CCDC158: variants seen among roughly 807,000 people sequenced by gnomAD.
The protein encoded by CCDC158 is coiled-coil domain containing 158, also known as coiled-coil domain-containing protein 158.
Under a neutral mutation model 138.6 loss-of-function variants are expected in CCDC158, and 116 were observed. The observed-to-expected ratio is 0.84, with a 90% CI of 0.72 to 0.98. The LOEUF (loss-of-function observed/expected upper bound fraction) is 0.98, where lower values mean the gene tolerates loss of function less well. Among genes scored for constraint, CCDC158 ranks in the 50% least tolerant of loss-of-function variants. The pLI is 0.00. For missense variants in CCDC158, 1,265 were observed against 1,306.1 expected, an observed-to-expected ratio of 0.97 and a Z score of 0.48; for synonymous variants, 436 against 442.4, an observed-to-expected ratio of 0.99 and a Z score of 0.18.
chr4:76,345,595 C>G (rs1722470981), intron 18 of CCDC158: 1 of 1,043,286 alleles, frequency 9.6e-7, no homozygotes, highest in Non-Finnish European at 1.5e-6. Context: ...AACTGATATG[C>G]CTTCACTCAG....
intron 1 of CCDC158, among the ~76,000 whole-genome samples, chr4:76,415,182 C>T (rs1186547359): frequency 6.6e-6 from 1 of 152,146 alleles, no homozygotes; most frequent in East Asian, 1.9e-4. Context: ...TATGCTTTAG[C>T]AAAGAGTCTG....
intron 21 of CCDC158, 65 bp from the exon 22 acceptor site, chr4:76,329,032 T>C (rs754667560): frequency 6.9e-6 from 9 of 1,298,790 alleles, no homozygotes; most frequent in South Asian, 3.6e-5. Flanking sequence ...GATTCATAGA[T>C]AGAAGCAAGT....
In CCDC158 at chr4:76,342,472, C is replaced by A. The variant is rs199642804; in HGVS notation, c.2665-8305G>T. Among the ~76,000 whole-genome samples, 5 of 152,294 alleles carry A rather than the reference C, an allele frequency of 3.3e-5. No homozygotes were observed. In the East Asian group the frequency reaches 9.6e-4, roughly 29 times the overall value. On this transcript the variant is annotated intron_variant, in intron 18 of 24. Coordinates refer to ENST00000682701, the MANE Select transcript of CCDC158 (RefSeq NM_001394954.1). ...AAGTAGTTGTGGGAAATGAACTAAT[C>A]TCCAAAGTACTTTGCACTGTGCCTG... is the stretch of plus-strand genomic sequence containing the variant.
chr4:76,345,105 T>A, intron 18 of CCDC158: 1 of 1,205,946 alleles, frequency 8.3e-7, no homozygotes, highest in Non-Finnish European at 1.2e-6. Flanking sequence ...TGCCGATGTC[T>A]ATATCCACAC....
chr4:76,351,671 C>G, intron 17 of CCDC158, 49 bp downstream of exon 17: 1 of 1,110,192 alleles, frequency 9.0e-7, no homozygotes, highest in South Asian at 1.3e-5. Context: ...AAAAGCATAT[C>G]AAAGAACGGC....
intron 18 of CCDC158, among the ~76,000 whole-genome samples, chr4:76,347,301 G>T (rs774959433): frequency 2.6e-5 from 4 of 152,076 alleles, no homozygotes. Context: ...TGATAGACTG[G>T]ATAATGTGCC....
At chr4:76,377,852 G>A (rs763349352) in intron 9 of CCDC158, among the ~76,000 whole-genome samples, 6 of 152,120 alleles carry the variant, frequency 3.9e-5, no homozygotes, top group Non-Finnish European at 5.9e-5. Flanking sequence ...TTATTCAAAC[G>A]CAACCCCCCA....
rs1208352964 is a variant in CCDC158, at chr4:76,333,990, C to T, written c.2822+20G>A. On this transcript the variant is annotated intron_variant, in intron 19 of 24. Coordinates refer to ENST00000682701, the MANE Select transcript of CCDC158 (RefSeq NM_001394954.1). ...CATTCAAGAGATGAGCTTTCCCATTCTGTGTGCACACAGCCTTACACAGCC... is the reference window on the plus strand; with the variant it reads ...CATTCAAGAGATGAGCTTTCCCATTTTGTGTGCACACAGCCTTACACAGCC... 6.5e-7 allele frequency: 1 copy of T among 1,533,946 alleles called. No individual in the cohort carries two copies. Among genetic ancestry groups the T allele is most frequent in the Non-Finnish European group, 8.8e-7 (1 of 1,130,236 alleles).
At position 76,396,409 on chromosome 4, in the gene CCDC158, G is replaced by A; in HGVS notation, c.148C>T (p.Gln50Ter). ...ENTSSAGTLT[Q>*]VPFFPKYEVE... ...TCATATTTAGGGAAAAAAGGAACCT[G>A]TGTCAAAGTCCCAGCTGAAGATGTG... The change falls in exon 4 of 25, where the codon CAG becomes TAG. Residue 50 changes from glutamine (Q) to a stop codon, truncating the protein, a stop_gained. Transcript: ENST00000682701. LOFTEE classifies it high-confidence loss of function. 6.2e-7 allele frequency: 1 copy of A among 1,614,038 alleles called. No individual in the cohort carries two copies. Among genetic ancestry groups the A allele is most frequent in the Non-Finnish European group, 8.5e-7 (1 of 1,179,940 alleles).
Position 76,367,679 on chromosome 4 carries a change from T to G in CCDC158, c.1445A>C (p.Glu482Ala), listed in dbSNP as rs749141660. ...STKEMLRKVV[E>A]ELTAKKMTLE... The stretch of plus-strand genomic sequence containing the variant: ...AGTCATTTTCTTGGCTGTCAACTCT[T>G]CTACTACTTTGCGCAGCATCTCTTT... The change falls in exon 12 of 25, where the codon GAA (glutamate) becomes GCA (alanine). Residue 482 changes from glutamate (E) to alanine (A), a missense_variant. By Grantham distance (107) the Glu-to-Ala change is moderately radical (BLOSUM62 -1). Coordinates refer to ENST00000682701, the MANE Select transcript of CCDC158 (RefSeq NM_001394954.1). 3.1e-6 allele frequency: 5 copies of G among 1,614,194 alleles called. No individual in the cohort carries two copies. The highest frequency in any genetic ancestry group is 4.2e-6 in the Non-Finnish European group (5 of 1,180,030).
intron 1 of CCDC158, among the ~76,000 whole-genome samples, 136 bp downstream of exon 1, chr4:76,420,829 T>C (rs1207918418): frequency 6.6e-6 from 1 of 152,160 alleles, no homozygotes; most frequent in South Asian, 2.1e-4. Context: ...AAACAATTTA[T>C]TGGGCATCTT....
intron 19 of CCDC158, among the ~76,000 whole-genome samples, chr4:76,333,721 T>C (rs996362159): frequency 6.6e-6 from 1 of 152,190 alleles, no homozygotes; most frequent in Admixed American, 6.5e-5. Context: ...TCTCAATCAA[T>C]AAGATTATGG....
chr4:76,347,127 C>G (rs1167725440), intron 18 of CCDC158, among the ~76,000 whole-genome samples: 1 of 152,172 alleles, frequency 6.6e-6, no homozygotes, highest in East Asian at 1.9e-4. Flanking sequence ...GGCAATTCCT[C>G]AAGGATCTAG....
intron 1 of CCDC158, among the ~76,000 whole-genome samples, chr4:76,420,137 G>GGAGGACCACATCTCTCTCAGCACTC (rs1288293266): frequency 1.3e-5 from 2 of 151,842 alleles, no homozygotes; most frequent in Non-Finnish European, 1.5e-5. Flanking sequence ...TACAGAGATA[G>GGAGGACCACATCTCTCTCAGCACTC]GAGGACCACA....
intron 18 of CCDC158, among the ~76,000 whole-genome samples, chr4:76,348,356 A>G (rs1722757206): frequency 6.7e-6 from 1 of 150,120 alleles, no homozygotes; most frequent in Admixed American, 6.7e-5. Flanking sequence ...AATGGCGTGA[A>G]CCCGGAAGGC....
chr4:76,345,641 C>T, intron 18 of CCDC158: 1 of 792,580 alleles, frequency 1.3e-6, no homozygotes, highest in Non-Finnish European at 2.3e-6. Context: ...AGCCAAGCAT[C>T]ACTTGCACTT....
chr4:76,411,232 T>A (rs1433179695), intron 2 of CCDC158, among the ~76,000 whole-genome samples: 1 of 152,136 alleles, frequency 6.6e-6, no homozygotes, highest in Non-Finnish European at 1.5e-5. Context: ...TGAGACTCTG[T>A]CTTTACAAAA....
At chr4:76,413,297 G>T (rs1294563033) in intron 1 of CCDC158, among the ~76,000 whole-genome samples, 3 of 151,642 alleles carry the variant, frequency 2.0e-5, no homozygotes, top group African/African-American at 7.3e-5. Flanking sequence ...AATATAGTGA[G>T]ATCCCGTCTC....
At chr4:76,420,344 C>A (rs1353685310) in intron 1 of CCDC158, among the ~76,000 whole-genome samples, 1 of 152,178 alleles carries the variant, frequency 6.6e-6, no homozygotes, top group African/African-American at 2.4e-5. Context: ...GGGCAACAGC[C>A]GACCTCACTT....
Sources: allele counts gnomAD v4.1 joint callset (sites outside exome capture counted in the v4.1 genomes callset), GRCh38; gene constraint gnomAD v4.1.1; transcripts MANE v1.5; gene names NCBI Gene and HGNC (gene_info 2026-07-23, HGNC 2026-07-21).